The following GABRA3 variants were observed in gnomAD, a reference collection of about 807,000 sequenced individuals.
GABRA3 encodes gamma-aminobutyric acid type A receptor subunit alpha3.
In GABRA3, 10 loss-of-function variants were observed where a neutral mutation model predicts 30.1. That is an observed-to-expected ratio of 0.33 (90% CI 0.20 to 0.56). The LOEUF is 0.56. Ranked by LOEUF, GABRA3 falls within the 20% of genes least tolerant of loss-of-function variation. GABRA3 has a pLI of 0.89. For synonymous variants in GABRA3, 151 were observed against 146.8 expected, an observed-to-expected ratio of 1.03 and a Z score of -0.21; for missense variants, 233 against 392.0, an observed-to-expected ratio of 0.59 and a Z score of 3.42.
chrX:152,256,672 A>G (rs1037862305), intron 4 of GABRA3, among the ~76,000 whole-genome samples: 8 of 112,110 alleles, frequency 7.1e-5, no homozygotes, highest in Non-Finnish European at 1.3e-4. Context: ...TGTTCCAGGT[A>G]TTGGTAACAG....
At position 152,226,002 on chromosome X, in the gene GABRA3, A is replaced by G. The variant is rs368496813; in HGVS notation, c.552-1157T>C. ...AGGACCAGAAATCTCGCCTAATAAA[A>G]TATCAATATATGAGACTGAAAAAAA... On this transcript the variant is annotated intron_variant, in intron 5 of 9. Coordinates refer to ENST00000370314, the MANE Select transcript of GABRA3 (RefSeq NM_000808.4). Among the ~76,000 whole-genome samples, 11 of 111,137 alleles carry G rather than the reference A, an allele frequency of 9.9e-5. No individual in the cohort carries two copies. In the South Asian group the frequency reaches 3.8e-3, roughly 39 times the overall value.
intron 5 of GABRA3, among the ~76,000 whole-genome samples, chrX:152,238,813 T>C: frequency 9.2e-6 from 1 of 108,575 alleles, no homozygotes; most frequent in African/African-American, 3.3e-5. Context: ...GATGGTAGTT[T>C]GTATTTCTGT....
chrX:152,281,131 T>C (rs1939192160), intron 4 of GABRA3, among the ~76,000 whole-genome samples: 2 of 111,069 alleles, frequency 1.8e-5, no homozygotes, highest in Admixed American at 9.7e-5. Flanking sequence ...TTCTCAGCTG[T>C]TACTTTTCTG....
chrX:152,247,982 AAT>A (rs1278207528), intron 5 of GABRA3, among the ~76,000 whole-genome samples: 4 of 110,887 alleles, frequency 3.6e-5, no homozygotes, highest in Non-Finnish European at 7.6e-5. Context: ...ATCCAGGGAG[AAT>A]ATGTCAGGGA....
chrX:152,185,332 G>C (rs1000395352), intron 9 of GABRA3, among the ~76,000 whole-genome samples: 3 of 110,934 alleles, frequency 2.7e-5, no homozygotes, highest in African/African-American at 9.8e-5. Context: ...AGACTAAAGA[G>C]GAAGACTGAG....
chrX:152,221,624 A>G (rs1056936234), intron 6 of GABRA3, among the ~76,000 whole-genome samples: 1 of 111,700 alleles, frequency 9.0e-6, no homozygotes, highest in Non-Finnish European at 1.9e-5. Flanking sequence ...GATAATTTTC[A>G]TCAGTTTTAA....
intron 1 of GABRA3, among the ~76,000 whole-genome samples, chrX:152,415,745 T>C (rs944737929): frequency 9.0e-6 from 1 of 111,528 alleles, no homozygotes; most frequent in African/African-American, 3.3e-5. Flanking sequence ...TAGGTCTCTA[T>C]GTACTTCCCA....
At chrX:152,444,611 G>T (rs1235623466) in intron 1 of GABRA3, among the ~76,000 whole-genome samples, 1 of 109,801 alleles carries the variant, frequency 9.1e-6, no homozygotes, top group African/African-American at 3.3e-5. Context: ...GATTGTTAAG[G>T]GCCCTGCCAT....
chrX:152,387,333 C>T (rs769096363), intron 1 of GABRA3, among the ~76,000 whole-genome samples: 1 of 111,136 alleles, frequency 9.0e-6, no homozygotes, highest in Admixed American at 9.6e-5. Flanking sequence ...ATCATGATTC[C>T]ATTCATATAA....
intron 9 of GABRA3, among the ~76,000 whole-genome samples, chrX:152,182,162 C>T (rs1004255218): frequency 9.1e-6 from 1 of 109,531 alleles, no homozygotes; most frequent in African/African-American, 3.3e-5. Flanking sequence ...GGACTTCATT[C>T]TGTTAATGTG....
At chrX:152,305,784 A>G (rs1314993115) in intron 3 of GABRA3, among the ~76,000 whole-genome samples, 1 of 111,377 alleles carries the variant, frequency 9.0e-6, no homozygotes, top group African/African-American at 3.3e-5. Context: ...TAAAGTGAAA[A>G]TAAGCACAAA....
chrX:152,315,057 A>C (rs775115631), intron 3 of GABRA3, among the ~76,000 whole-genome samples: 2 of 111,528 alleles, frequency 1.8e-5, no homozygotes, highest in Non-Finnish European at 3.8e-5. Flanking sequence ...GACTCGCACC[A>C]TGAACTTCTG....
chrX:152,294,096 T>C (rs1246372804), intron 3 of GABRA3, among the ~76,000 whole-genome samples: 1 of 111,223 alleles, frequency 9.0e-6, no homozygotes, highest in Non-Finnish European at 1.9e-5. Context: ...ATCTGACCAT[T>C]ATGTGTCTTG....
intron 1 of GABRA3, among the ~76,000 whole-genome samples, chrX:152,429,453 T>A (rs1430175845): frequency 1.8e-5 from 2 of 110,907 alleles, no homozygotes; most frequent in Non-Finnish European, 3.8e-5. Flanking sequence ...TTAAAACTAT[T>A]CAAAGGCTCC....
At chrX:152,215,859 G>A in intron 6 of GABRA3, among the ~76,000 whole-genome samples, 1 of 111,204 alleles carries the variant, frequency 9.0e-6, no homozygotes, top group South Asian at 3.7e-4. Context: ...CTGATAAGGG[G>A]TTAATATCCA....
intron 3 of GABRA3, among the ~76,000 whole-genome samples, chrX:152,303,995 C>G (rs1055106490): frequency 8.9e-6 from 1 of 111,913 alleles, no homozygotes; most frequent in Non-Finnish European, 1.9e-5. Flanking sequence ...AAAAAATAGC[C>G]ATTCTAACTG....
At chrX:152,298,237 T>A (rs893607515) in intron 3 of GABRA3, among the ~76,000 whole-genome samples, 1 of 111,730 alleles carries the variant, frequency 9.0e-6, no homozygotes, top group African/African-American at 3.3e-5. Flanking sequence ...CTGTTTTTTT[T>A]ATTATACTTT....
At chrX:152,216,699 G>A (rs1937731935) in intron 6 of GABRA3, among the ~76,000 whole-genome samples, 1 of 109,525 alleles carries the variant, frequency 9.1e-6, no homozygotes, top group South Asian at 3.9e-4. Context: ...TGATTAATGG[G>A]TACAAGGTAC....
At chrX:152,433,005 T>G (rs1412016733) in intron 1 of GABRA3, among the ~76,000 whole-genome samples, 1 of 111,095 alleles carries the variant, frequency 9.0e-6, no homozygotes, top group Non-Finnish European at 1.9e-5. Context: ...TAGTAATTTT[T>G]TAAAATAGAT....
Sources: gnomAD v4.1 joint callset for allele counts (sites outside exome capture counted in the v4.1 genomes callset) on GRCh38, gnomAD v4.1.1 for gene constraint, MANE v1.5 for transcripts, NCBI Gene and HGNC (gene_info 2026-07-23, HGNC 2026-07-21) for gene names.